The following SOX6 variants were observed in gnomAD, a reference collection of about 807,000 sequenced individuals.
SOX6 encodes the protein SRY-box transcription factor 6.
In SOX6, 11 loss-of-function variants were observed where a neutral mutation model predicts 97.8. The ratio of observed to expected loss-of-function variants is 0.11; its 90% confidence interval spans 0.07 to 0.19. The LOEUF is 0.19. Ranked by LOEUF, SOX6 falls within the 10% of genes least tolerant of loss-of-function variation. The probability of loss-of-function intolerance (pLI) is 1.00; values close to 1 mark genes in which losing one functional copy is unlikely to be tolerated. For synonymous variants in SOX6, 360 were observed against 371.4 expected (o/e 0.97, Z 0.35); for missense variants, 810 against 1,039.5 (o/e 0.78, Z 3.04).
chr11:16,150,850 T>C (rs1850441096), intron 6 of SOX6, among the ~76,000 whole-genome samples: 1 of 152,148 alleles, frequency 6.6e-6, no homozygotes, highest in Non-Finnish European at 1.5e-5. Context: ...AGAAGTCACA[T>C]TCTATAACTA....
At chr11:16,145,027 G>C (rs1363439359) in intron 6 of SOX6, among the ~76,000 whole-genome samples, 2 of 152,118 alleles carry the variant, frequency 1.3e-5, no homozygotes, top group Non-Finnish European at 2.9e-5. Flanking sequence ...TGATACCAAA[G>C]CCTGGCAGAG....
rs890845317 is a variant in SOX6, at chr11:15,968,853, A to C, written c.*3956T>G. On this transcript the variant is annotated 3_prime_UTR_variant, in exon 16 of 16. Transcript: ENST00000683767. ...CTGGAGAGTATCAAATACCTAATGA[A>C]GCAAACCGAGGTGCTTCTAAAAGGC... 1 of 152,202 alleles carries C rather than the reference A, an allele frequency of 6.6e-6. No individual in the cohort carries two copies. Among genetic ancestry groups the C allele is most frequent in the African/African-American group, 2.4e-5 (1 of 41,430 alleles). The allele number at this position is 152,202 out of a possible 1,614,324, so 9.4% of individuals were successfully genotyped here.
intron 2 of SOX6, among the ~76,000 whole-genome samples, chr11:16,717,767 CA>C (rs1848228989): frequency 6.6e-6 from 1 of 152,024 alleles, no homozygotes; most frequent in Non-Finnish European, 1.5e-5. Flanking sequence ...AATGCACCTA[CA>C]TTTGAGCTAT....
At chr11:16,139,870 T>A (rs1165301938) in intron 6 of SOX6, among the ~76,000 whole-genome samples, 1 of 150,974 alleles carries the variant, frequency 6.6e-6, no homozygotes, top group Non-Finnish European at 1.5e-5. Context: ...AATTCCAATA[T>A]AATACCACAG....
chr11:15,983,198 T>A (rs1345118703), intron 15 of SOX6, among the ~76,000 whole-genome samples: 1 of 151,972 alleles, frequency 6.6e-6, no homozygotes, highest in East Asian at 1.9e-4. Context: ...TACCCACACA[T>A]ACACACACAC....
intron 3 of SOX6, among the ~76,000 whole-genome samples, chr11:16,636,030 C>G (rs1044449150): frequency 6.6e-6 from 1 of 152,198 alleles, no homozygotes; most frequent in Non-Finnish European, 1.5e-5. Flanking sequence ...AATGTGGGGT[C>G]AGAGCCCCCA....
At chr11:16,624,025 T>C (rs1415286432) in intron 3 of SOX6, among the ~76,000 whole-genome samples, 1 of 152,206 alleles carries the variant, frequency 6.6e-6, no homozygotes, top group African/African-American at 2.4e-5. Context: ...GTGATTGCTA[T>C]CACAGTAGAT....
At chr11:16,390,589 C>T (rs1013005080) in intron 1 of SOX6, among the ~76,000 whole-genome samples, 4 of 152,192 alleles carry the variant, frequency 2.6e-5, no homozygotes, top group African/African-American at 9.7e-5. Context: ...TCCTTTGCCT[C>T]CACTGTCCTT....
At chr11:16,299,907 C>T (rs1403187131) in intron 3 of SOX6, among the ~76,000 whole-genome samples, 1 of 152,130 alleles carries the variant, frequency 6.6e-6, no homozygotes, top group South Asian at 2.1e-4. Context: ...TATATTATTG[C>T]TTACAGTAAT....
chr11:16,473,678 A>G (rs1166466947), intron 1 of SOX6, among the ~76,000 whole-genome samples: 1 of 151,452 alleles, frequency 6.6e-6, no homozygotes, highest in Non-Finnish European at 1.5e-5. Context: ...CAGCCTCCTG[A>G]GTAGCTGGGA....
chr11:16,299,675 G>A (rs746101089), intron 3 of SOX6, among the ~76,000 whole-genome samples: 1 of 152,068 alleles, frequency 6.6e-6, no homozygotes, highest in Non-Finnish European at 1.5e-5. Flanking sequence ...TAATATATTA[G>A]ACTAAGTAAA....
intron 3 of SOX6, among the ~76,000 whole-genome samples, chr11:16,286,580 A>G (rs1452139389): frequency 6.6e-6 from 1 of 152,096 alleles, no homozygotes; most frequent in Non-Finnish European, 1.5e-5. Flanking sequence ...TCAGTGAGGT[A>G]TTTATGAGTC....
chr11:16,698,011 A>G (rs777803845), intron 3 of SOX6, among the ~76,000 whole-genome samples: 1 of 152,234 alleles, frequency 6.6e-6, no homozygotes, highest in Non-Finnish European at 1.5e-5. Flanking sequence ...AGGCTTCCAA[A>G]AAGGTAAATG....
At chr11:16,452,649 G>A (rs1416893620) in intron 1 of SOX6, among the ~76,000 whole-genome samples, 1 of 152,074 alleles carries the variant, frequency 6.6e-6, no homozygotes, top group Non-Finnish European at 1.5e-5. Context: ...GTGCTGCTAT[G>A]GCCTGTATGA....
intron 1 of SOX6, among the ~76,000 whole-genome samples, chr11:16,376,058 T>C (rs1193925114): frequency 6.6e-6 from 1 of 151,918 alleles, no homozygotes; most frequent in African/African-American, 2.4e-5. Context: ...GGGATAACAT[T>C]AGGAGAAATA....
chr11:16,426,718 T>C (rs1859145837), intron 1 of SOX6, among the ~76,000 whole-genome samples: 1 of 151,138 alleles, frequency 6.6e-6, no homozygotes, highest in South Asian at 2.1e-4. Context: ...ATCGAGACCA[T>C]CCCGGCTAAA....
At chr11:16,366,515 G>C (rs947387483) in intron 1 of SOX6, among the ~76,000 whole-genome samples, 1 of 152,000 alleles carries the variant, frequency 6.6e-6, no homozygotes, top group Non-Finnish European at 1.5e-5. Context: ...ATTGAGAAAG[G>C]CTTAAGGACA....
chr11:16,548,045 C>T (rs1847641181), intron 4 of SOX6, among the ~76,000 whole-genome samples: 1 of 152,024 alleles, frequency 6.6e-6, no homozygotes, highest in Admixed American at 6.6e-5. Flanking sequence ...TTAAACAATA[C>T]ATATAAAGGA....
chr11:16,234,545 C>CATG (rs1565037336), intron 4 of SOX6, 37 bp downstream of exon 4: 1 of 1,180,218 alleles, frequency 8.5e-7, no homozygotes. Flanking sequence ...AACATCACAT[C>CATG]ACTGCATTGA....
Sources: allele counts gnomAD v4.1 joint callset (sites outside exome capture counted in the v4.1 genomes callset), GRCh38; gene constraint gnomAD v4.1.1; transcripts MANE v1.5; gene names NCBI Gene and HGNC (gene_info 2026-07-23, HGNC 2026-07-21).